Variants in TXNRD1 observed in about 807,000 individuals in gnomAD.
The protein encoded by TXNRD1 is thioredoxin reductase 1, also known as thioredoxin reductase 1, cytoplasmic.
In TXNRD1, 57 loss-of-function variants were observed where a neutral mutation model predicts 80.3. The ratio of observed to expected loss-of-function variants is 0.71; its 90% confidence interval spans 0.57 to 0.89. The LOEUF is 0.89. Ranked by LOEUF, TXNRD1 falls within the 40% of genes least tolerant of loss-of-function variation. The pLI, the probability that TXNRD1 is intolerant of heterozygous loss-of-function variation, is 0.00. For synonymous variants in TXNRD1, 291 were observed against 285.2 expected (o/e 1.02, Z -0.20); for missense variants, 730 against 803.0 (o/e 0.91, Z 1.10).
At chr12:104,277,044 T>C (rs2033770374) in intron 3 of TXNRD1, among the ~76,000 whole-genome samples, 1 of 151,934 alleles carries the variant, frequency 6.6e-6, no homozygotes, top group South Asian at 2.1e-4. Context: ...GCCCAGGAGT[T>C]TGATACCAGC....
chr12:104,303,320 G>A (rs1184460251), intron 4 of TXNRD1, among the ~76,000 whole-genome samples: 1 of 152,192 alleles, frequency 6.6e-6, no homozygotes, highest in African/African-American at 2.4e-5. Context: ...TGAGAGTTTA[G>A]CCTGCTTAAT....
intron 5 of TXNRD1, among the ~76,000 whole-genome samples, chr12:104,312,267 T>C (rs140572767): frequency 0.014 from 2,120 of 152,260 alleles, 29 homozygotes; most frequent in Non-Finnish European, 0.021. Flanking sequence ...CTGAGGGTGA[T>C]TGGGAAGAGG....
chr12:104,325,769 C>T (rs551329029), intron 11 of TXNRD1, among the ~76,000 whole-genome samples: 2 of 151,294 alleles, frequency 1.3e-5, no homozygotes, highest in East Asian at 1.9e-4. Flanking sequence ...CTATTCGGGA[C>T]GTTGAGGCAG....
chr12:104,259,722 A>G (rs2033325798), intron 3 of TXNRD1, among the ~76,000 whole-genome samples: 1 of 151,870 alleles, frequency 6.6e-6, no homozygotes, highest in Admixed American at 6.5e-5. Context: ...TCCTGACCTC[A>G]GGTGAGCCGC....
chr12:104,247,958 C>T (rs1027441755), intron 1 of TXNRD1, among the ~76,000 whole-genome samples: 18 of 152,312 alleles, frequency 1.2e-4, no homozygotes, highest in African/African-American at 4.1e-4. Flanking sequence ...GGAATGAACA[C>T]AGTTGGCCTA....
At chr12:104,264,247 T>A (rs529922506) in intron 3 of TXNRD1, among the ~76,000 whole-genome samples, 9 of 152,218 alleles carry the variant, frequency 5.9e-5, no homozygotes, top group Non-Finnish European at 1.0e-4. Context: ...TGTAATCTGG[T>A]ATCTCTAAAG....
intron 14 of TXNRD1, among the ~76,000 whole-genome samples, chr12:104,332,952 TGTGA>T (rs1312170421): frequency 2.0e-5 from 3 of 151,826 alleles, no homozygotes; most frequent in Non-Finnish European, 4.4e-5. Flanking sequence ...TGTGATTTTG[TGTGA>T]GTATGTATGT....
chr12:104,254,751 C>CTATGATTAAAGTTAA (rs61049241), intron 2 of TXNRD1, among the ~76,000 whole-genome samples: 50,718 of 150,066 alleles, frequency 0.34, 10,434 homozygotes, highest in Non-Finnish European at 0.46. Flanking sequence ...TTAAAGGTTA[C>CTATGATTAAAGTTAA]AGTGAGCTAT....
chr12:104,339,436 G>A (rs1302156803), intron 16 of TXNRD1, 163 bp downstream of exon 16: 1 of 962,626 alleles, frequency 1.0e-6, no homozygotes, highest in Admixed American at 1.7e-5. Flanking sequence ...AATACTGATT[G>A]CTCATGGTAT....
intron 2 of TXNRD1, among the ~76,000 whole-genome samples, chr12:104,254,868 G>T (rs1470607669): frequency 6.6e-6 from 1 of 151,646 alleles, no homozygotes; most frequent in African/African-American, 2.4e-5. Context: ...ACTTTGGGAG[G>T]CTGAGACAGG....
chr12:104,288,683 CGTTT>C, intron 3 of TXNRD1: 2 of 1,258,920 alleles, frequency 1.6e-6, no homozygotes, highest in Non-Finnish European at 2.1e-6. Context: ...AGAACTCTGA[CGTTT>C]ACAGCTAGCC....
intron 3 of TXNRD1, among the ~76,000 whole-genome samples, chr12:104,263,065 G>A (rs963765835): frequency 6.6e-6 from 1 of 152,174 alleles, no homozygotes; most frequent in Non-Finnish European, 1.5e-5. Context: ...GAGTTCTACT[G>A]AGATTGGTAT....
intron 4 of TXNRD1, among the ~76,000 whole-genome samples, chr12:104,305,691 TC>T (rs1302019347): frequency 6.6e-6 from 1 of 152,212 alleles, no homozygotes; most frequent in Non-Finnish European, 1.5e-5. Flanking sequence ...AATAACTTCA[TC>T]TATTAATATC....
chr12:104,302,971 A>G (rs1386820312), intron 4 of TXNRD1, among the ~76,000 whole-genome samples: 1 of 152,272 alleles, frequency 6.6e-6, no homozygotes, highest in African/African-American at 2.4e-5. Flanking sequence ...TGAAATTTTC[A>G]TAGCTTTGCC....
intron 4 of TXNRD1, chr12:104,309,858 G>A (rs759799510): frequency 1.3e-6 from 2 of 1,535,694 alleles, no homozygotes; most frequent in Non-Finnish European, 1.7e-6. Flanking sequence ...CAGACTGTCA[G>A]AGTGGTGCAG....
rs556353195 is a variant in TXNRD1 at position 104,249,338 on chromosome 12, T to G, written c.92-2189T>G. ...AGGCCCCTCCTTCTAATGCTGTCAC[T>G]TTGAGAATTAAGATTTTGACAGAGA... On this transcript the variant is annotated intron_variant, in intron 1 of 16. Coordinates refer to ENST00000525566, the MANE Select transcript of TXNRD1 (RefSeq NM_001093771.3). Among the ~76,000 whole-genome samples, 28 of 152,280 alleles carry G rather than the reference T, an allele frequency of 1.8e-4. 3 individuals are homozygous for G. The South Asian group carries it at 5.4e-3, about 29-fold the overall frequency.
intron 3 of TXNRD1, among the ~76,000 whole-genome samples, chr12:104,267,647 A>ATCTTTCTTTCTT (rs753275941): frequency 0.021 from 3,008 of 140,048 alleles, 68 homozygotes; most frequent in Admixed American, 0.05. Context: ...ATGTGATGGT[A>ATCTTTCTTTCTT]TCTTTCTTTC....
intron 16 of TXNRD1, 156 bp downstream of exon 16, chr12:104,339,429 A>G: frequency 9.8e-7 from 1 of 1,020,608 alleles, no homozygotes; most frequent in South Asian, 1.3e-5. Context: ...GTCTTTCAAT[A>G]CTGATTGCTC....
intron 1 of TXNRD1, among the ~76,000 whole-genome samples, chr12:104,220,009 G>T (rs772616769): frequency 6.6e-6 from 1 of 152,122 alleles, no homozygotes; most frequent in Non-Finnish European, 1.5e-5. Context: ...CTTCATTTTT[G>T]GTGTCTCAAG....
Sources: allele counts gnomAD v4.1 joint callset (sites outside exome capture counted in the v4.1 genomes callset), GRCh38; gene constraint gnomAD v4.1.1; transcripts MANE v1.5; gene names NCBI Gene and HGNC (gene_info 2026-07-23, HGNC 2026-07-21).